The following GNA14 variants were observed in gnomAD, a reference collection of about 807,000 sequenced individuals.
GNA14 encodes the protein G protein subunit alpha 14.
A neutral mutation model predicts 42.0 loss-of-function variants in GNA14; 50 were observed. That is an observed-to-expected ratio of 1.19 (90% CI 0.95 to 1.51). The LOEUF is 1.51. Ranked by LOEUF, GNA14 falls within the 40% of genes most tolerant of loss-of-function variation. GNA14 has a pLI of 0.00. For synonymous variants in GNA14, 173 were observed against 163.1 expected, an observed-to-expected ratio of 1.06 and a Z score of -0.46; for missense variants, 473 against 446.2, an observed-to-expected ratio of 1.06 and a Z score of -0.54.
At chr9:77,639,175 C>G (rs1466322830) in intron 1 of GNA14, among the ~76,000 whole-genome samples, 1 of 152,122 alleles carries the variant, frequency 6.6e-6, no homozygotes, top group Non-Finnish European at 1.5e-5. Flanking sequence ...CACTTACCTT[C>G]TGGGGGAAGA....
chr9:77,626,477 A>G (rs1345243925), intron 1 of GNA14, among the ~76,000 whole-genome samples: 2 of 152,194 alleles, frequency 1.3e-5, no homozygotes, highest in Non-Finnish European at 2.9e-5. Flanking sequence ...AATTGACCGC[A>G]TCATTGGAAG....
chr9:77,438,176 G>C (rs1197706924), intron 2 of GNA14, among the ~76,000 whole-genome samples: 1 of 152,110 alleles, frequency 6.6e-6, no homozygotes, highest in East Asian at 1.9e-4. Flanking sequence ...AAACCCAACA[G>C]TAGAACTTGA....
At chr9:77,509,482 A>G (rs1465681628) in intron 2 of GNA14, among the ~76,000 whole-genome samples, 1 of 152,214 alleles carries the variant, frequency 6.6e-6, no homozygotes, top group Non-Finnish European at 1.5e-5. Flanking sequence ...TGATAATGCT[A>G]TGTTTAATTT....
chr9:77,427,111 G>A (rs1190037543), intron 5 of GNA14, among the ~76,000 whole-genome samples: 1 of 152,152 alleles, frequency 6.6e-6, no homozygotes, highest in Non-Finnish European at 1.5e-5. Context: ...ACAACCAGGA[G>A]GGGAAAGTCT....
chr9:77,437,876 T>G (rs1182613326), intron 2 of GNA14, among the ~76,000 whole-genome samples: 1 of 152,320 alleles, frequency 6.6e-6, no homozygotes, highest in Admixed American at 6.5e-5. Context: ...AAGCTGAACT[T>G]CAGGGGCAGT....
intron 2 of GNA14, among the ~76,000 whole-genome samples, chr9:77,444,921 T>C (rs1390898496): frequency 6.6e-6 from 1 of 152,178 alleles, no homozygotes; most frequent in Non-Finnish European, 1.5e-5. Context: ...CTGCCCCTGC[T>C]CCATGCCAGA....
At chr9:77,565,097 TTC>T (rs1402163295) in intron 1 of GNA14, among the ~76,000 whole-genome samples, 1 of 152,250 alleles carries the variant, frequency 6.6e-6, no homozygotes, top group African/African-American at 2.4e-5. Context: ...CATGTTGTAG[TTC>T]TCTGTTTTAT....
chr9:77,629,844 G>A (rs927235926), intron 1 of GNA14, among the ~76,000 whole-genome samples: 3 of 152,042 alleles, frequency 2.0e-5, no homozygotes, highest in South Asian at 2.1e-4. Context: ...AAACCTGCAC[G>A]TTCTGCACAT....
At chr9:77,498,241 T>G (rs1297370079) in intron 2 of GNA14, among the ~76,000 whole-genome samples, 1 of 151,268 alleles carries the variant, frequency 6.6e-6, no homozygotes, top group Non-Finnish European at 1.5e-5. Flanking sequence ...GGGGTGATGG[T>G]GCAGGCCTGT....
chr9:77,636,394 T>C (rs1824185442), intron 1 of GNA14, among the ~76,000 whole-genome samples: 1 of 152,260 alleles, frequency 6.6e-6, no homozygotes, highest in African/African-American at 2.4e-5. Flanking sequence ...CAGTCAATTT[T>C]TAAAAAGCAA....
At chr9:77,478,396 A>G (rs554904664) in intron 2 of GNA14, among the ~76,000 whole-genome samples, 207 of 152,274 alleles carry the variant, frequency 1.4e-3, no homozygotes, top group Middle Eastern at 3.4e-3. Flanking sequence ...CATGGAGTAT[A>G]TGTGCCACAT....
chr9:77,484,346 T>C (rs1220964533), intron 2 of GNA14, among the ~76,000 whole-genome samples: 1 of 152,202 alleles, frequency 6.6e-6, no homozygotes, highest in East Asian at 1.9e-4. Flanking sequence ...AAAACAACCT[T>C]CTTGGAAAAA....
At chr9:77,636,109 T>G (rs1343015029) in intron 1 of GNA14, among the ~76,000 whole-genome samples, 1 of 152,228 alleles carries the variant, frequency 6.6e-6, no homozygotes, top group Non-Finnish European at 1.5e-5. Flanking sequence ...TACAAAAGAT[T>G]AATCACCTTC....
At chr9:77,595,912 C>T (rs1823459275) in intron 1 of GNA14, among the ~76,000 whole-genome samples, 1 of 151,920 alleles carries the variant, frequency 6.6e-6, no homozygotes, top group South Asian at 2.1e-4. Flanking sequence ...GATATGAGTC[C>T]TTTGGAAGAT....
chr9:77,603,956 C>CAAAAAAAAAAAA (rs67044542), intron 1 of GNA14, among the ~76,000 whole-genome samples: 152 of 81,608 alleles, frequency 1.9e-3, no homozygotes, highest in East Asian at 5.5e-3. Flanking sequence ...AAAAAAAAAA[C>CAAAAAAAAAAAA]AAAAAAAAAA....
At chr9:77,608,836 G>A (rs1461797318) in intron 1 of GNA14, among the ~76,000 whole-genome samples, 1 of 146,696 alleles carries the variant, frequency 6.8e-6, no homozygotes, top group Non-Finnish European at 1.5e-5. Flanking sequence ...AGTCACTCCT[G>A]TTTATTTCTG....
chr9:77,543,315 G>T (rs1004941488), intron 1 of GNA14, among the ~76,000 whole-genome samples: 5 of 152,188 alleles, frequency 3.3e-5, no homozygotes, highest in African/African-American at 1.2e-4. Context: ...GGTTTCTCAC[G>T]TCTTAGTCCC....
chr9:77,584,508 C>A (rs1436713552), intron 1 of GNA14, among the ~76,000 whole-genome samples: 10 of 150,584 alleles, frequency 6.6e-5, no homozygotes, highest in Non-Finnish European at 1.5e-4. Context: ...CTGTGACTTA[C>A]CCCCCACCCC....
intron 2 of GNA14, among the ~76,000 whole-genome samples, chr9:77,489,389 T>C (rs1463353588): frequency 6.6e-6 from 1 of 151,986 alleles, no homozygotes; most frequent in Non-Finnish European, 1.5e-5. Context: ...CTCCAAAACT[T>C]GAGAAAGAGA....
Sources: allele counts gnomAD v4.1 joint callset (sites outside exome capture counted in the v4.1 genomes callset), GRCh38; gene constraint gnomAD v4.1.1; transcripts MANE v1.5; gene names NCBI Gene and HGNC (gene_info 2026-07-23, HGNC 2026-07-21).